The following VPS35L variants were observed in gnomAD, a reference collection of about 807,000 sequenced individuals.
VPS35L encodes the protein VPS35 endosomal protein-sorting factor-like.
In VPS35L, 83 loss-of-function variants were observed where a neutral mutation model predicts 133.0. The ratio of observed to expected loss-of-function variants is 0.62; its 90% CI spans 0.52 to 0.75. The LOEUF (loss-of-function observed/expected upper bound fraction) is 0.75, where lower values mean the gene tolerates loss of function less well. Among genes scored for constraint, VPS35L ranks in the 30% least tolerant of loss-of-function variants. The pLI, the probability that VPS35L is intolerant of heterozygous loss-of-function variation, is 0.00. For synonymous variants in VPS35L, 423 were observed against 449.9 expected (o/e 0.94, Z 0.76); for missense variants, 1,083 against 1,206.8 (o/e 0.90, Z 1.52).
rs139932865 is a variant in VPS35L, at chr16:19,699,062, T to C, written c.2647-440T>C. Among the ~76,000 whole-genome samples, 2 of 152,324 alleles carry C rather than the reference T, an allele frequency of 1.3e-5. No homozygotes were observed. The highest frequency in any genetic ancestry group is 6.5e-5 in the Admixed American group (1 of 15,308). On this transcript the variant is annotated intron_variant, in intron 29 of 30. Transcript: ENST00000417362. The surrounding 1 kb of genome is among the most constrained non-coding windows in gnomAD (Gnocchi z 4.2). ...TTCGGGAGATGTGTTTTGGTCTTTA[T>C]TACCGGCAGCCCAGGGGCAGGAATA...
chr16:19,578,885 T>G, intron 5 of VPS35L, 167 bp from the exon 6 acceptor site: 1 of 667,670 alleles, frequency 1.5e-6, no homozygotes, highest in South Asian at 1.8e-5. Flanking sequence ...TTCGATGGAA[T>G]TCTGGTTACA....
chr16:19,627,862 C>T (rs1973318941), intron 16 of VPS35L, 57 bp downstream of exon 16: 1 of 1,377,328 alleles, frequency 7.3e-7, no homozygotes, highest in South Asian at 1.2e-5. Context: ...TATCTGATAG[C>T]TCTTGAGAGA....
chr16:19,623,808 ATTATTATTG>A (rs564245884), intron 14 of VPS35L, among the ~76,000 whole-genome samples: 3,662 of 74,272 alleles, frequency 0.049, 106 homozygotes, highest in African/African-American at 0.11. Flanking sequence ...TATTATTATT[ATTATTATTG>A]TTTTAAGACA....
rs1029964904 is a variant in VPS35L, at chr16:19,633,900, G to T, written c.1635+728G>T. ...TGCCACCACGCCTGGCTAATTTTTT[G>T]AATTTTTAGTAGAGTTGGGGTTTCA... On this transcript the variant is annotated intron_variant, in intron 19 of 30. Transcript: ENST00000417362. This position sits in a 1 kb window ranked among gnomAD's most constrained non-coding sequence, Gnocchi z 4.1. Among the ~76,000 whole-genome samples the T allele has an allele frequency of 6.6e-6, 1 of 151,684 alleles. No homozygotes were observed. Among genetic ancestry groups the T allele is most frequent in the African/African-American group, 2.4e-5 (1 of 41,332 alleles).
intron 7 of VPS35L, among the ~76,000 whole-genome samples, chr16:19,591,502 G>T (rs1972041130): frequency 6.6e-6 from 1 of 151,890 alleles, no homozygotes; most frequent in Non-Finnish European, 1.5e-5. Context: ...GATCACTTGA[G>T]GTTGGGAGTT....
chr16:19,603,100 A>G (rs1444106041), intron 9 of VPS35L, among the ~76,000 whole-genome samples: 2 of 152,146 alleles, frequency 1.3e-5, no homozygotes, highest in East Asian at 3.9e-4. Context: ...CACATTTGTC[A>G]GAAAGAAAGA....
intron 5 of VPS35L, among the ~76,000 whole-genome samples, chr16:19,575,587 G>C (rs1971505454): frequency 1.3e-5 from 2 of 149,088 alleles, no homozygotes; most frequent in South Asian, 4.2e-4. Context: ...ATACAGCCGG[G>C]CACGGTGGCT....
In VPS35L at chr16:19,555,764, G is replaced by A. The variant is rs749094001; in HGVS notation, c.17+18G>A. ...TTTCCTTGGTAAGGAAGCAGCGGCG[G>A]GTGGGCTTTGGAGAGGGGCTGTCCT... On this transcript the variant is annotated intron_variant, in intron 1 of 30. Transcript: ENST00000417362. The A allele has an allele frequency of 1.3e-6, 2 of 1,566,498 alleles. No individual in the cohort carries two copies. The highest frequency in any genetic ancestry group is 1.8e-5 in the Admixed American group (1 of 54,678).
chr16:19,612,414 C>T (rs182980304), intron 12 of VPS35L, among the ~76,000 whole-genome samples: 3 of 152,194 alleles, frequency 2.0e-5, no homozygotes, highest in Admixed American at 2.0e-4. Context: ...CCACCATGCC[C>T]AGCTACTTTT....
intron 14 of VPS35L, 61 bp downstream of exon 14, chr16:19,616,869 C>G: frequency 6.2e-7 from 1 of 1,610,124 alleles, no homozygotes; most frequent in East Asian, 2.2e-5. Flanking sequence ...CCCCTGCCCA[C>G]TGTGCCCTTT....
chr16:19,582,572 G>A (rs1052533363), intron 7 of VPS35L, among the ~76,000 whole-genome samples: 2 of 152,204 alleles, frequency 1.3e-5, no homozygotes, highest in African/African-American at 4.8e-5. Flanking sequence ...TTAGTTTACA[G>A]AGTAAATAGT....
chr16:19,575,674 C>G (rs1971508708), intron 5 of VPS35L, among the ~76,000 whole-genome samples: 1 of 150,956 alleles, frequency 6.6e-6, no homozygotes, highest in African/African-American at 2.4e-5. Flanking sequence ...ACCAGCCTGG[C>G]CAACATGGTG....
intron 6 of VPS35L, 44 bp from the exon 7 acceptor site, chr16:19,581,481 A>G (rs1371286771): frequency 6.7e-7 from 1 of 1,502,138 alleles, no homozygotes; most frequent in Non-Finnish European, 8.9e-7. Flanking sequence ...TAGTCGAGCA[A>G]TGTTTTTCCT....
intron 26 of VPS35L, among the ~76,000 whole-genome samples, chr16:19,653,744 C>T (rs1390638179): frequency 1.3e-5 from 2 of 152,200 alleles, no homozygotes; most frequent in African/African-American, 4.8e-5. Flanking sequence ...CATTCTGGGC[C>T]AATTGGAGAG....
At chr16:19,624,400 G>A (rs962305031) in intron 14 of VPS35L, among the ~76,000 whole-genome samples, 3 of 151,810 alleles carry the variant, frequency 2.0e-5, no homozygotes, top group African/African-American at 7.3e-5. Context: ...CTGGCTAACA[G>A]GGTGAAACCC....
intron 25 of VPS35L, among the ~76,000 whole-genome samples, chr16:19,650,898 A>G (rs1974102584): frequency 6.6e-6 from 1 of 152,040 alleles, no homozygotes; most frequent in Non-Finnish European, 1.5e-5. Flanking sequence ...GTTTTTCTTG[A>G]GACGGAGTCT....
Position 19,633,272 on chromosome 16 carries a change from C to T in VPS35L, c.1635+100C>T, listed in dbSNP as rs1973515825. On this transcript the variant is annotated intron_variant, in intron 19 of 30. Coordinates refer to ENST00000417362, the MANE Select transcript of VPS35L (RefSeq NM_020314.7). The surrounding 1 kb of genome is among the most constrained non-coding windows in gnomAD (Gnocchi z 4.1). ...GGTCAGGCTATAAAGGCACATAATC[C>T]TGTGTTTGAATCATAGCTCTGCCAT... 1 of 1,086,456 alleles carries T rather than the reference C, an allele frequency of 9.2e-7. No homozygotes were observed. Among genetic ancestry groups the T allele is most frequent in the Non-Finnish European group, 1.4e-6 (1 of 712,820 alleles). 67.3% of individuals were successfully genotyped at this position (1,086,456 alleles called of 1,614,324 possible).
chr16:19,696,528 G>A (rs78179060), intron 29 of VPS35L, among the ~76,000 whole-genome samples: 3,903 of 152,214 alleles, frequency 0.026, 77 homozygotes, highest in Non-Finnish European at 0.038. Context: ...GCCAAACCCC[G>A]AGAGCTTCCT....
intron 24 of VPS35L, 55 bp downstream of exon 24, chr16:19,647,937 A>G: frequency 7.2e-7 from 1 of 1,394,212 alleles, no homozygotes. Flanking sequence ...TTGATCATCT[A>G]CATCCCAATC....
Sources: gnomAD v4.1 joint callset for allele counts (sites outside exome capture counted in the v4.1 genomes callset) on GRCh38, gnomAD v4.1.1 for gene constraint, Gnocchi (gnomAD v3.1) non-coding constraint, MANE v1.5 for transcripts, NCBI Gene and HGNC (gene_info 2026-07-23, HGNC 2026-07-21) for gene names.